The following PDE1B variants were observed in gnomAD, a reference collection of about 807,000 sequenced individuals.
PDE1B encodes the protein dual specificity calcium/calmodulin-dependent 3',5'-cyclic nucleotide phosphodiesterase 1B.
A neutral mutation model predicts 66.7 loss-of-function variants in PDE1B; 13 were observed. The observed-to-expected ratio is 0.19, with a 90% CI of 0.13 to 0.31. PDE1B has a LOEUF of 0.31. PDE1B is among the 10% of genes least tolerant of loss of function. The pLI, the probability that PDE1B is intolerant of heterozygous loss-of-function variation, is 1.00. For missense variants in PDE1B, 485 were observed against 682.3 expected (o/e 0.71, Z 3.22); for synonymous variants, 230 against 253.9 (o/e 0.91, Z 0.90).
chr12:54,550,307 G>T (rs1487085097), intron 2 of PDE1B: 12 of 1,081,464 alleles, frequency 1.1e-5, no homozygotes, highest in African/African-American at 1.6e-5. Flanking sequence ...GGCAGTAGAG[G>T]TGCCAGGCTG....
At chr12:54,555,186 C>A (rs1260444553) in intron 2 of PDE1B, among the ~76,000 whole-genome samples, 1 of 152,136 alleles carries the variant, frequency 6.6e-6, no homozygotes, top group Non-Finnish European at 1.5e-5. Flanking sequence ...GTGGATGGAG[C>A]AATTGCAGTT....
At chr12:54,568,809 T>C (rs147688483) in intron 3 of PDE1B, among the ~76,000 whole-genome samples, 3 of 152,198 alleles carry the variant, frequency 2.0e-5, no homozygotes, top group Admixed American at 1.3e-4. Context: ...AAAAAAATTA[T>C]CATTAAAGTC....
intron 3 of PDE1B, among the ~76,000 whole-genome samples, chr12:54,567,862 A>ATTTT (rs1180593660): frequency 2.7e-5 from 4 of 150,852 alleles, no homozygotes; most frequent in African/African-American, 9.8e-5. Context: ...ATATATATAT[A>ATTTT]TTTTTTTGTT....
rs1195868509 is a variant in PDE1B, at chr12:54,575,685, G to C, written c.1267+53G>C. On this transcript the variant is annotated intron_variant, in intron 12 of 15. Transcript: ENST00000243052. This position sits in a 1 kb window ranked among gnomAD's most constrained non-coding sequence, Gnocchi z 4.0. ...AGGACTGGGAGGGGGAAAAGATGCTGCCTGGGTCAGGATTGCTCCAAGTCC... is the reference window on the plus strand; with the variant it reads ...AGGACTGGGAGGGGGAAAAGATGCTCCCTGGGTCAGGATTGCTCCAAGTCC... The C allele has an allele frequency of 1.6e-6, 2 of 1,274,426 alleles. No homozygotes were observed. Among genetic ancestry groups the C allele is most frequent in the Non-Finnish European group, 2.3e-6 (2 of 878,602 alleles). The allele number at this position is 1,274,426 out of a possible 1,614,324, so 78.9% of individuals were successfully genotyped here.
chr12:54,553,861 T>C (rs1373562917), intron 2 of PDE1B, among the ~76,000 whole-genome samples: 1 of 152,118 alleles, frequency 6.6e-6, no homozygotes, highest in East Asian at 1.9e-4. Flanking sequence ...GAATGAGATA[T>C]GTTAGGATGA....
Position 54,575,993 on chromosome 12 carries a change from G to A in PDE1B, c.1269G>A (p.Gly423=). Residue 423 remains glycine (G), a splice_region_variant and synonymous_variant, in exon 13 of 16, where the codon GGG becomes GGA. Transcript: ENST00000243052. This position sits in a 1 kb window ranked among gnomAD's most constrained non-coding sequence, Gnocchi z 4.0. Reference sequence around the variant, plus strand: ...TACGGCATTGCTCCTCCACTGCAGGGTTCATCGACTTCATTGTGGAGCCCA... The same window carrying A: ...TACGGCATTGCTCCTCCACTGCAGGATTCATCGACTTCATTGTGGAGCCCA... ...TSTLVAQSQI[G]FIDFIVEPTF... is the part of the protein sequence containing the mutation. The A allele has an allele frequency of 6.2e-7, 1 of 1,606,528 alleles. No individual in the cohort carries two copies. Among genetic ancestry groups the A allele is most frequent in the Non-Finnish European group, 8.5e-7 (1 of 1,172,974 alleles).
Position 54,577,235 on chromosome 12 carries a change from C to T in PDE1B, c.1518C>T (p.Asn506=), listed in dbSNP as rs146475493. The T allele has an allele frequency of 9.3e-6, 15 of 1,613,830 alleles. No homozygotes were observed. In the African/African-American group the frequency reaches 9.3e-5, roughly 10 times the overall value. Residue 506 remains asparagine, a synonymous_variant, in exon 15 of 16, where the codon AAC becomes AAT. Coordinates refer to ENST00000243052, the MANE Select transcript of PDE1B (RefSeq NM_000924.4). ...WKERAASGIT[N]QMSIDELSPC... is the part of the protein sequence containing the mutation. ...TATGCTCCTCTACAGGCATCACCAA[C>T]CAGATGTCCATTGACGAGCTGTCCC...
rs1022730351 is a variant in PDE1B, at chr12:54,579,088, C to T, written c.*1246C>T. The T allele has an allele frequency of 5.3e-6, 1 of 187,934 alleles. No individual in the cohort carries two copies. The highest frequency in any genetic ancestry group is 1.8e-4 in the South Asian group (1 of 5,438). The allele number at this position is 187,934 out of a possible 1,614,324, so 11.6% of individuals were successfully genotyped here. A position where few individuals can be genotyped will look rare whatever the true frequency, so the allele number is the denominator to read the frequency against. ...ATTTGTACAGTGGGCCCTGTTCATG[C>T]GAAATCCACATCCATGGTCTCCTAG... is the stretch of plus-strand genomic sequence containing the variant. On this transcript the variant is annotated 3_prime_UTR_variant, in exon 16 of 16. Transcript: ENST00000243052.
intron 3 of PDE1B, among the ~76,000 whole-genome samples, chr12:54,568,440 G>A (rs893481664): frequency 1.3e-5 from 2 of 150,974 alleles, no homozygotes; most frequent in Admixed American, 1.3e-4. Flanking sequence ...TCCAGTCTGG[G>A]CGATAAAGTG....
chr12:54,558,268 C>T (rs114365896), intron 2 of PDE1B, among the ~76,000 whole-genome samples: 1,914 of 152,094 alleles, frequency 0.013, 38 homozygotes, highest in African/African-American at 0.039. Flanking sequence ...CCTCATCTCC[C>T]TTCACCCTCC....
At chr12:54,571,972 C>A (rs1252566284) in intron 6 of PDE1B, 1 of 152,514 alleles carries the variant, frequency 6.6e-6, no homozygotes, top group East Asian at 1.9e-4. Flanking sequence ...GAGCCTTGAG[C>A]CTTTTGAAGG....
chr12:54,574,326 T>C lies in PDE1B; in HGVS notation c.1064+617T>C, dbSNP rs547499709. On this transcript the variant is annotated intron_variant, in intron 10 of 15. Transcript: ENST00000243052. ...GATGCAGTGTCACAGCGGGTCATTG[T>C]TGAGGGTATAATAATAATTATTACT... 9.7e-4 allele frequency: 151 copies of C among 154,982 alleles called. 1 individual carries two copies. Among genetic ancestry groups the C allele is most frequent in the African/African-American group, 3.4e-3 (141 of 41,482 alleles). 9.6% of individuals were successfully genotyped at this position (154,982 alleles called of 1,614,324 possible).
At position 54,569,500 on chromosome 12, in the gene PDE1B, C is replaced by G. The variant is rs759585622; in HGVS notation, c.411-46C>G. ...ACATCCCCAGCTGGCCACACCTCCACTCCCAGACCTTCATATGTGGGCTTC... is the reference window on the plus strand; with the variant it reads ...ACATCCCCAGCTGGCCACACCTCCAGTCCCAGACCTTCATATGTGGGCTTC... On this transcript the variant is annotated intron_variant, in intron 4 of 15. Coordinates refer to ENST00000243052, the MANE Select transcript of PDE1B (RefSeq NM_000924.4). The surrounding 1 kb of genome is among the most constrained non-coding windows in gnomAD (Gnocchi z 4.4). 6.3e-7 allele frequency: 1 copy of G among 1,592,400 alleles called. No homozygotes were observed. The highest frequency in any genetic ancestry group is 8.6e-7 in the Non-Finnish European group (1 of 1,160,348).
Position 54,549,930 on chromosome 12 carries a change from C to T in PDE1B, c.58C>T (p.Pro20Ser), listed in dbSNP as rs745560959. The T allele has an allele frequency of 1.9e-6, 3 of 1,614,052 alleles. No individual in the cohort carries two copies. In the African/African-American group the frequency reaches 4.0e-5, roughly 22 times the overall value. The change falls in exon 2 of 16, where the codon CCC (proline) becomes TCC (serine). Residue 20 changes from proline to serine, a missense_variant. Around this residue, in one of 4 missense-constraint regions of PDE1B, gnomAD observed 74 missense variants for 78.7 expected, o/e 0.94. Coordinates refer to ENST00000243052, the MANE Select transcript of PDE1B (RefSeq NM_000924.4). ...GCTGGAGGAGTCGGATTGCCCGTCA[C>T]CCCTGGAGCTGAAGTCAGCCCCCAG... ...EMLEESDCPS[P>S]LELKSAPSKK...
At chr12:54,551,775 T>A (rs141809234) in intron 2 of PDE1B, among the ~76,000 whole-genome samples, 1,642 of 152,274 alleles carry the variant, frequency 0.011, 26 homozygotes, top group African/African-American at 0.036. Flanking sequence ...GAGAAGAGGA[T>A]TCCCAGAAGG....
rs1957732814 is a variant in PDE1B at position 54,575,925 on chromosome 12, C to T, written c.1268-67C>T. ...CAGCCAGGGGTCCTGGCCATGCCAG[C>T]TGCATGCTCTGCCTAGCCCTCCAGA... On this transcript the variant is annotated intron_variant, in intron 12 of 15. Transcript: ENST00000243052. This position sits in a 1 kb window ranked among gnomAD's most constrained non-coding sequence, Gnocchi z 4.0. 5.1e-6 allele frequency: 6 copies of T among 1,172,084 alleles called. No individual in the cohort carries two copies. Among genetic ancestry groups the T allele is most frequent in the East Asian group, 2.4e-5 (1 of 42,386 alleles). The allele number at this position is 1,172,084 out of a possible 1,614,324, so 72.6% of individuals were successfully genotyped here.
rs1320061248 is a variant in PDE1B at position 54,573,681 on chromosome 12, A to C, written c.1036A>C (p.Met346Leu). Reference protein sequence around the residue: ...MSCHFQQVKTMKTALQQLERI... With the variant: ...MSCHFQQVKTLKTALQQLERI... ...CTGCCATTTCCAGCAAGTGAAGACC[A>C]TGAAGACAGCCTTGCAACAGCTGGA... Residue 346 changes from methionine to leucine, a missense_variant, in exon 10 of 16, where the codon ATG becomes CTG. Coordinates refer to ENST00000243052, the MANE Select transcript of PDE1B (RefSeq NM_000924.4). This position sits in a 1 kb window ranked among gnomAD's most constrained non-coding sequence, Gnocchi z 5.2. 1 of 1,614,068 alleles carries C rather than the reference A, an allele frequency of 6.2e-7. No individual in the cohort carries two copies. Among genetic ancestry groups the C allele is most frequent in the African/African-American group, 1.3e-5 (1 of 75,040 alleles).
At chr12:54,576,186 C>A in intron 13 of PDE1B, 86 bp downstream of exon 13, 1 of 851,896 alleles carries the variant, frequency 1.2e-6, no homozygotes. Context: ...GACCGACTCA[C>A]AGCCATGGTG....
intron 2 of PDE1B, among the ~76,000 whole-genome samples, chr12:54,560,749 C>T (rs1343766343): frequency 6.6e-6 from 1 of 152,236 alleles, no homozygotes; most frequent in Non-Finnish European, 1.5e-5. Flanking sequence ...TGGGCCATCT[C>T]ATCGCTTCTC....
Sources: gnomAD v4.1 joint callset for allele counts (sites outside exome capture counted in the v4.1 genomes callset) on GRCh38, gnomAD v4.1.1 for gene constraint, gnomAD v4.1.1 regional missense constraint, Gnocchi (gnomAD v3.1) non-coding constraint, MANE v1.5 for transcripts, NCBI Gene and HGNC (gene_info 2026-07-23, HGNC 2026-07-21) for gene names.